The following TNFRSF11A variants were observed in gnomAD, a reference collection of about 807,000 sequenced individuals.
TNFRSF11A encodes the protein tumor necrosis factor receptor superfamily member 11A.
A neutral mutation model predicts 55.7 loss-of-function variants in TNFRSF11A; 32 were observed. That is an observed-to-expected ratio of 0.57 (90% confidence interval 0.43 to 0.77). The LOEUF is 0.77. Ranked by LOEUF, TNFRSF11A falls within the 30% of genes least tolerant of loss-of-function variation. The pLI, the probability that TNFRSF11A is intolerant of heterozygous loss-of-function variation, is 0.00. For missense variants in TNFRSF11A, 753 were observed against 809.8 expected (o/e 0.93, Z 0.85); for synonymous variants, 311 against 331.0 (o/e 0.94, Z 0.65).
At position 62,390,679 on chromosome 18, in the gene TNFRSF11A, A is replaced by G. The variant is rs1283824859; in HGVS notation, c.*5645A>G. 1 of 152,246 alleles carries G rather than the reference A, an allele frequency of 6.6e-6. No homozygotes were observed. The highest frequency in any genetic ancestry group is 1.5e-5 in the Non-Finnish European group (1 of 68,040). The allele number at this position is 152,246 out of a possible 1,614,324, so 9.4% of individuals were successfully genotyped here. ...AGGCTCTTAGAGACTGTCTCCATTT[A>G]AGCAGCAGCAGTAAAACATCTTACC... On this transcript the variant is annotated 3_prime_UTR_variant, in exon 10 of 10. Coordinates refer to ENST00000586569, the MANE Select transcript of TNFRSF11A (RefSeq NM_003839.4).
intron 5 of TNFRSF11A, among the ~76,000 whole-genome samples, chr18:62,358,916 C>T (rs1909469056): frequency 6.6e-6 from 1 of 152,030 alleles, no homozygotes; most frequent in South Asian, 2.1e-4. Context: ...TTAGGTTGTT[C>T]CCAGTCTTTT....
At chr18:62,358,581 T>TA (rs1407151577) in intron 5 of TNFRSF11A, among the ~76,000 whole-genome samples, 1 of 152,242 alleles carries the variant, frequency 6.6e-6, no homozygotes, top group Non-Finnish European at 1.5e-5. Context: ...ATCTGTGACT[T>TA]ACGGTTGCAG....
intron 1 of TNFRSF11A, among the ~76,000 whole-genome samples, chr18:62,330,388 A>T (rs551403940): frequency 6.6e-6 from 1 of 152,318 alleles, no homozygotes; most frequent in Admixed American, 6.5e-5. Context: ...TTCCAGAATG[A>T]CCAGTGCTTT....
At chr18:62,350,341 G>A (rs2046448424) in intron 3 of TNFRSF11A, among the ~76,000 whole-genome samples, 1 of 152,062 alleles carries the variant, frequency 6.6e-6, no homozygotes, top group South Asian at 2.1e-4. Context: ...CGCCCAGGCT[G>A]GAGTGCAGTG....
chr18:62,359,150 C>T (rs1242284271), intron 5 of TNFRSF11A, among the ~76,000 whole-genome samples: 1 of 152,150 alleles, frequency 6.6e-6, no homozygotes, highest in East Asian at 1.9e-4. Flanking sequence ...ACTCAGGAGT[C>T]AGAGGCAGGA....
chr18:62,354,542 T>C lies in TNFRSF11A; in HGVS notation c.427+8T>C. On this transcript the variant is annotated splice_region_variant and intron_variant, in intron 4 of 9. Transcript: ENST00000586569. ...TGGGCGCCCAGCACCCGTGTACGGG[T>C]TGGATGTGTGCGTCTGTCGGCTCTT... 6.2e-7 allele frequency: 1 copy of C among 1,602,162 alleles called. No individual in the cohort carries two copies. The highest frequency in any genetic ancestry group is 8.5e-7 in the Non-Finnish European group (1 of 1,179,390).
intron 9 of TNFRSF11A, among the ~76,000 whole-genome samples, chr18:62,382,163 T>C (rs1367964136): frequency 7.4e-6 from 1 of 134,718 alleles, no homozygotes; most frequent in Non-Finnish European, 1.5e-5. Flanking sequence ...CCAGGCTGGG[T>C]GCAGTGGCGC....
chr18:62,369,216 C>T lies in TNFRSF11A; in HGVS notation c.1299C>T (p.His433=), dbSNP rs748689855. The T allele has an allele frequency of 3.1e-6, 5 of 1,613,772 alleles. No homozygotes were observed. The Admixed American group carries it at 5.0e-5, about 16-fold the overall frequency. ...QKEVDSGHCP[H]WAASPSPNWA... ...AGGTGGACAGTGGCCATTGCCCGCA[C>T]TGGGCAGCCAGCCCCAGCCCCAACT... The change falls in exon 9 of 10, where the codon CAC becomes CAT. Residue 433 remains histidine (H), a synonymous_variant. Transcript: ENST00000586569.
At chr18:62,349,767 G>A (rs1465514788) in intron 2 of TNFRSF11A, 45 bp from the exon 3 acceptor site, 1 of 1,611,420 alleles carries the variant, frequency 6.2e-7, no homozygotes, top group East Asian at 2.2e-5. Context: ...TGCTGTTTTT[G>A]TTTGGTTTTT....
Position 62,385,353 on chromosome 18 carries a change from G to GTCTAT in TNFRSF11A, c.*319_*320insTCTAT. 2 of 224,174 alleles carry GTCTAT rather than the reference G, an allele frequency of 8.9e-6. No individual in the cohort carries two copies. The highest frequency in any genetic ancestry group is 1.7e-5 in the Non-Finnish European group (2 of 114,352). The allele number at this position is 224,174 out of a possible 1,614,324, so 13.9% of individuals were successfully genotyped here. ...GACTATCCTGTTCTGTGGGGGGGGG[G>GTCTAT]GTCTGTTTTCCCCCCATATTTGTAT... is the stretch of plus-strand genomic sequence containing the variant. On this transcript the variant is annotated 3_prime_UTR_variant, in exon 10 of 10. Coordinates refer to ENST00000586569, the MANE Select transcript of TNFRSF11A (RefSeq NM_003839.4).
intron 9 of TNFRSF11A, among the ~76,000 whole-genome samples, chr18:62,372,402 G>T (rs1256096164): frequency 6.6e-6 from 1 of 152,010 alleles, no homozygotes; most frequent in Non-Finnish European, 1.5e-5. Context: ...TCTGTTGTTG[G>T]CTGGTGGCTT....
At chr18:62,344,594 T>C (rs1261328331) in intron 1 of TNFRSF11A, among the ~76,000 whole-genome samples, 1 of 152,242 alleles carries the variant, frequency 6.6e-6, no homozygotes, top group Non-Finnish European at 1.5e-5. Context: ...GCTACCACTT[T>C]GCAACCCTGG....
chr18:62,342,753 G>A (rs946183879), intron 1 of TNFRSF11A, among the ~76,000 whole-genome samples: 16 of 152,194 alleles, frequency 1.1e-4, no homozygotes, highest in Admixed American at 8.5e-4. Flanking sequence ...ACTTGTGACC[G>A]GGAGAAACTG....
chr18:62,354,974 G>C (rs1909149176), intron 4 of TNFRSF11A, among the ~76,000 whole-genome samples: 1 of 152,202 alleles, frequency 6.6e-6, no homozygotes, highest in Admixed American at 6.5e-5. Flanking sequence ...TTGAAGAACT[G>C]ATAAGGACTT....
chr18:62,341,918 TC>T, intron 1 of TNFRSF11A, among the ~76,000 whole-genome samples: 1 of 146,692 alleles, frequency 6.8e-6, no homozygotes, highest in East Asian at 2.1e-4. Context: ...CATTCTTCTC[TC>T]CGGGTCAAAC....
chr18:62,385,109 C>CAGA lies in TNFRSF11A; in HGVS notation c.*75_*76insAGA. ...GCAGCACCGCAGCCTCTGCCCCAGC[C>CAGA]CCGGCCACCCAGGGATCGATCGGTA... is the stretch of plus-strand genomic sequence containing the variant. On this transcript the variant is annotated 3_prime_UTR_variant, in exon 10 of 10. Coordinates refer to ENST00000586569, the MANE Select transcript of TNFRSF11A (RefSeq NM_003839.4). 1 of 1,365,466 alleles carries CAGA rather than the reference C, an allele frequency of 7.3e-7. No homozygotes were observed. Among genetic ancestry groups the CAGA allele is most frequent in the Non-Finnish European group, 9.4e-7 (1 of 1,063,814 alleles). 84.6% of individuals were successfully genotyped at this position (1,365,466 alleles called of 1,614,324 possible).
At chr18:62,373,418 A>C (rs1600413791) in intron 9 of TNFRSF11A, among the ~76,000 whole-genome samples, 1 of 151,836 alleles carries the variant, frequency 6.6e-6, no homozygotes, top group Non-Finnish European at 1.5e-5. Context: ...TTGCCACTGC[A>C]CTCCAGCCTG....
intron 3 of TNFRSF11A, among the ~76,000 whole-genome samples, chr18:62,352,451 T>C (rs999354217): frequency 6.6e-6 from 1 of 152,236 alleles, no homozygotes; most frequent in Non-Finnish European, 1.5e-5. Flanking sequence ...GAAACTCCAC[T>C]GAGCAGAAGC....
At chr18:62,374,527 A>G (rs117978262) in intron 9 of TNFRSF11A, among the ~76,000 whole-genome samples, 2,425 of 152,352 alleles carry the variant, frequency 0.016, 26 homozygotes, top group Non-Finnish European at 0.024. Flanking sequence ...CTTCCTTGGA[A>G]GAAAATCTAC....
Sources: gnomAD v4.1 joint callset for allele counts (sites outside exome capture counted in the v4.1 genomes callset) on GRCh38, gnomAD v4.1.1 for gene constraint, MANE v1.5 for transcripts, NCBI Gene and HGNC (gene_info 2026-07-23, HGNC 2026-07-21) for gene names.